CRHR2: variants seen among roughly 807,000 people sequenced by gnomAD.
The protein encoded by CRHR2 is corticotropin-releasing hormone receptor 2.
A neutral mutation model predicts 57.9 loss-of-function variants in CRHR2; 53 were observed. That is an observed-to-expected ratio of 0.92 (90% CI 0.73 to 1.15). The LOEUF (loss-of-function observed/expected upper bound fraction) is 1.15, where lower values mean the gene tolerates loss of function less well. Among genes scored for constraint, CRHR2 ranks in the 50% most tolerant of loss-of-function variants. The probability of loss-of-function intolerance (pLI) is 0.00; values close to 1 mark genes in which losing one functional copy is unlikely to be tolerated. For synonymous variants in CRHR2, 213 were observed against 220.9 expected (o/e 0.96, Z 0.32); for missense variants, 532 against 542.6 (o/e 0.98, Z 0.19).
chr7:30,663,322 G>T (rs551085272), intron 5 of CRHR2, among the ~76,000 whole-genome samples: 5 of 152,346 alleles, frequency 3.3e-5, no homozygotes, highest in African/African-American at 1.2e-4. Context: ...ATGAAGTGGG[G>T]CTGCGGCCAG....
chr7:30,684,415 A>G (rs1323681724), upstream of CRHR2, among the ~76,000 whole-genome samples: 1 of 152,172 alleles, frequency 6.6e-6, no homozygotes, highest in Non-Finnish European at 1.5e-5. Flanking sequence ...GCCACCACCT[A>G]GGTGGTGCCT....
intron 7 of CRHR2, 28 bp downstream of exon 7, chr7:30,662,128 A>G (rs759791354): frequency 1.9e-6 from 3 of 1,611,958 alleles, no homozygotes; most frequent in Admixed American, 1.7e-5. Flanking sequence ...CTTCCCCATG[A>G]CCCCCCATGG....
chr7:30,679,711 C>T (rs757691083), intron 2 of CRHR2, among the ~76,000 whole-genome samples: 1 of 152,164 alleles, frequency 6.6e-6, no homozygotes, highest in Non-Finnish European at 1.5e-5. Flanking sequence ...TCCTGTTCTT[C>T]CCCTAGGCTT....
At chr7:30,692,399 G>A (rs1318823154) in intron 1 of CRHR2, among the ~76,000 whole-genome samples, 2 of 152,160 alleles carry the variant, frequency 1.3e-5, no homozygotes, top group African/African-American at 4.8e-5. Flanking sequence ...CCCTGAAGGT[G>A]CAGCCTCCAT....
At chr7:30,671,578 T>A (rs957257117) in intron 2 of CRHR2, among the ~76,000 whole-genome samples, 1 of 147,664 alleles carries the variant, frequency 6.8e-6, no homozygotes, top group African/African-American at 2.5e-5. Context: ...GGCAGGTGAA[T>A]TGCTTGAGCC....
rs1465088616 is a variant in CRHR2, at chr7:30,654,844, G to A, written c.1095+195C>T. On this transcript the variant is annotated intron_variant, in intron 11 of 11. Transcript: ENST00000471646. The stretch of plus-strand genomic sequence containing the variant: ...ATGTGGGGTGCTGGCATGTTATTTC[G>A]GGGCTGCATAGTTGACCTTCTAAAC... The A allele has an allele frequency of 5.2e-6, 8 of 1,544,756 alleles. No individual in the cohort carries two copies. In the East Asian group the frequency reaches 9.8e-5, roughly 19 times the overall value.
upstream of CRHR2, among the ~76,000 whole-genome samples, chr7:30,683,492 G>C (rs950120472): frequency 6.6e-6 from 1 of 152,154 alleles, no homozygotes; most frequent in Non-Finnish European, 1.5e-5. Flanking sequence ...TGCCCAGGGC[G>C]GGCCTGCTGT....
At chr7:30,675,694 A>G (rs1784495835) in intron 2 of CRHR2, among the ~76,000 whole-genome samples, 2 of 152,090 alleles carry the variant, frequency 1.3e-5, no homozygotes, top group Admixed American at 6.6e-5. Context: ...AGTCTTCCAA[A>G]TTTACTTTCC....
At chr7:30,674,040 C>T (rs532651248) in intron 2 of CRHR2, among the ~76,000 whole-genome samples, 17 of 152,298 alleles carry the variant, frequency 1.1e-4, no homozygotes, top group South Asian at 2.1e-4. Flanking sequence ...CTCTGAGCCT[C>T]GACTGCCTGT....
chr7:30,692,414 C>T (rs1335907013), intron 1 of CRHR2, among the ~76,000 whole-genome samples: 4 of 152,198 alleles, frequency 2.6e-5, no homozygotes, highest in African/African-American at 7.2e-5. Context: ...CTCCATCTCC[C>T]TCACTGAGCT....
Position 30,662,812 on chromosome 7 carries a change from G to A in CRHR2, c.579C>T (p.Tyr193=). The A allele has an allele frequency of 6.2e-7, 1 of 1,614,228 alleles. No homozygotes were observed. The highest frequency in any genetic ancestry group is 8.5e-7 in the Non-Finnish European group (1 of 1,180,024). ...WCRCITTIFN[Y]FVVTNFFWMF... The stretch of plus-strand genomic sequence containing the variant: ...TCCAGAAGAAGTTGGTCACCACGAA[G>A]TAGTTGAAGATGGTGGTGATGCAGC... Residue 193 remains tyrosine, a synonymous_variant, in exon 6 of 12, where the codon TAC becomes TAT. Transcript: ENST00000471646.
At chr7:30,659,281 C>T (rs41338246) in intron 8 of CRHR2, among the ~76,000 whole-genome samples, 2 of 152,184 alleles carry the variant, frequency 1.3e-5, no homozygotes, top group Non-Finnish European at 2.9e-5. Context: ...TGACACTGAG[C>T]TCTTGCGTTC....
chr7:30,699,557 G>A (rs1785126125), intron 1 of CRHR2, among the ~76,000 whole-genome samples: 1 of 152,052 alleles, frequency 6.6e-6, no homozygotes, highest in Admixed American at 6.6e-5. Context: ...GGGGTGGGGA[G>A]AGAATGGATA....
At chr7:30,661,978 C>A (rs1365108214) in intron 7 of CRHR2, among the ~76,000 whole-genome samples, 178 bp downstream of exon 7, 1 of 152,122 alleles carries the variant, frequency 6.6e-6, no homozygotes, top group East Asian at 1.9e-4. Flanking sequence ...TGAGCCCTAC[C>A]ATGTGAGTAC....
chr7:30,699,957 G>T, exon 1 of CRHR2: 1 of 1,501,366 alleles, frequency 6.7e-7, no homozygotes, highest in Non-Finnish European at 8.9e-7. Context: ...TTGGAGCGGC[G>T]GTGGGAGGAG....
chr7:30,682,513 C>T (rs958663186), upstream of CRHR2: 8 of 1,263,578 alleles, frequency 6.3e-6, no homozygotes, highest in East Asian at 2.0e-4. Flanking sequence ...ACAGCCGCTC[C>T]GCCGCGGCCA....
At chr7:30,689,375 C>T in intron 1 of CRHR2, 1 of 1,030,866 alleles carries the variant, frequency 9.7e-7, no homozygotes, top group South Asian at 1.4e-5. Flanking sequence ...ATCACTCATC[C>T]CTTACTCCTC....
chr7:30,679,792 A>G (rs1039950462), intron 2 of CRHR2, among the ~76,000 whole-genome samples: 1 of 152,214 alleles, frequency 6.6e-6, no homozygotes. Context: ...ACAGAGAAGC[A>G]GGAAGCAGCA....
upstream of CRHR2, chr7:30,686,605 T>C (rs1488496970): frequency 1.6e-6 from 2 of 1,214,758 alleles, no homozygotes; most frequent in African/African-American, 3.0e-5. Flanking sequence ...GCACAGGAAT[T>C]CAAGACCAGC....
Sources: gnomAD v4.1 joint callset for allele counts (sites outside exome capture counted in the v4.1 genomes callset) on GRCh38, gnomAD v4.1.1 for gene constraint, MANE v1.5 for transcripts, NCBI Gene and HGNC (gene_info 2026-07-23, HGNC 2026-07-21) for gene names.